The following BTBD19 variants were observed in gnomAD, a reference collection of about 807,000 sequenced individuals.
BTBD19 encodes the protein BTB domain containing 19, also known as BTB/POZ domain-containing protein 19.
In BTBD19, 20 loss-of-function variants were observed where a neutral mutation model predicts 36.1. The observed-to-expected ratio is 0.55, with a 90% CI of 0.39 to 0.80. The LOEUF is 0.80. Ranked by LOEUF, BTBD19 falls within the 30% of genes least tolerant of loss-of-function variation. The pLI is 0.00. For synonymous variants in BTBD19, 157 were observed against 174.3 expected (o/e 0.90, Z 0.78); for missense variants, 325 against 389.8 (o/e 0.83, Z 1.40).
chr1:44,811,914 G>A (rs1652432942), intron 3 of BTBD19, 125 bp from the exon 4 acceptor site: 2 of 683,720 alleles, frequency 2.9e-6, no homozygotes, highest in Non-Finnish European at 4.7e-6. Flanking sequence ...CCCTGGCCTG[G>A]GTCAGGATGG....
chr1:44,811,827 TG>T, intron 3 of BTBD19: 1 of 352,420 alleles, frequency 2.8e-6, no homozygotes. Flanking sequence ...TACTAGAAGG[TG>T]GGTGGCTGGG....
In BTBD19 at chr1:44,813,130, G is replaced by A; in HGVS notation, c.484-8G>A. 6.5e-7 allele frequency: 1 copy of A among 1,540,366 alleles called. No individual in the cohort carries two copies. ...CTGCTCCTCCCTGACCCATTTGCCG[G>A]CTCGCAGGAGGCCCTCCGGACCCGA... is the stretch of plus-strand genomic sequence containing the variant. On this transcript the variant is annotated splice_region_variant and splice_polypyrimidine_tract_variant and intron_variant, in intron 5 of 7. Coordinates refer to ENST00000450269, the Ensembl canonical transcript of BTBD19. The surrounding 1 kb of genome is among the most constrained non-coding windows in gnomAD (Gnocchi z 7.8).
chr1:44,812,973 G>C (rs1025509822), intron 4 of BTBD19, 23 bp from the exon 5 acceptor site: 2 of 1,540,970 alleles, frequency 1.3e-6, no homozygotes, highest in South Asian at 1.2e-5. Context: ...TCTCCAACCT[G>C]ATCTCCCTCA....
chr1:44,812,523 G>A (rs960424978), intron 4 of BTBD19: 4 of 447,044 alleles, frequency 8.9e-6, no homozygotes, highest in African/African-American at 8.0e-5. Flanking sequence ...GGCTAACACG[G>A]TGAAACCCTG....
intron 1 of BTBD19, among the ~76,000 whole-genome samples, chr1:44,809,161 T>C (rs932983177): frequency 6.6e-6 from 1 of 152,124 alleles, no homozygotes; most frequent in African/African-American, 2.4e-5. Flanking sequence ...TCTTTGGACT[T>C]TGGCCCCTGG....
downstream of BTBD19, chr1:44,815,246 A>C (rs768918158): frequency 1.3e-5 from 2 of 152,156 alleles, no homozygotes; most frequent in Admixed American, 6.5e-5. Context: ...TAAGTCCTGG[A>C]ACATCCCATT....
At chr1:44,814,204 T>TTC (rs766196624), downstream of BTBD19, 4 of 144,134 alleles carry the variant, frequency 2.8e-5, no homozygotes, top group African/African-American at 9.1e-5. Flanking sequence ...CTTTCTTTCT[T>TTC]TCTTTCTTTT....
At chr1:44,814,202 CTT>C (rs1309671605), downstream of BTBD19, 18 of 143,234 alleles carry the variant, frequency 1.3e-4, no homozygotes, top group Non-Finnish European at 2.1e-4. Context: ...TTCTTTCTTT[CTT>C]TCTTTCTTTT....
chr1:44,811,656 C>G (rs1389497336), intron 3 of BTBD19: 2 of 258,672 alleles, frequency 7.7e-6, no homozygotes, highest in African/African-American at 4.4e-5. Flanking sequence ...GAGGCTAGTG[C>G]AGCAGTCAAG....
In BTBD19 at chr1:44,810,379, G is replaced by T; in HGVS notation, c.253G>T (p.Val85Leu). ...TGTGCCAACTGAGGCCTTCCTGGCAGTGCTGGAGTTCCTATATACCAACAG... is the reference window on the plus strand; with the variant it reads ...TGTGCCAACTGAGGCCTTCCTGGCATTGCTGGAGTTCCTATATACCAACAG... Residue 85 changes from valine (V) to leucine (L), a missense_variant, in exon 2 of 8, where the codon GTG becomes TTG. Physicochemically the swap from Val to Leu is conservative, Grantham distance 32 (BLOSUM62 1). Coordinates refer to ENST00000450269, the Ensembl canonical transcript of BTBD19. This position sits in a 1 kb window ranked among gnomAD's most constrained non-coding sequence, Gnocchi z 4.2. 5.8e-6 allele frequency: 9 copies of T among 1,551,730 alleles called. No individual in the cohort carries two copies. Among genetic ancestry groups the T allele is most frequent in the Non-Finnish European group, 7.8e-6 (9 of 1,146,992 alleles).
chr1:44,812,999 GC>G lies in BTBD19; in HGVS notation c.420del (p.Val141Ter). The G allele has an allele frequency of 6.4e-7, 1 of 1,550,672 alleles. No homozygotes were observed. On this transcript the variant is annotated frameshift_variant, in exon 5 of 8. Coordinates refer to ENST00000450269, the Ensembl canonical transcript of BTBD19. LOFTEE classifies it high-confidence loss of function. ...ATCTCCCTCATTCTGCTCGCAGGTGGCCGTAACCTTTGGCCTGGGGCAGCTG... is the reference window on the plus strand; with the variant it reads ...ATCTCCCTCATTCTGCTCGCAGGTGGCGTAACCTTTGGCCTGGGGCAGCTG...
At chr1:44,808,950 G>T in intron 1 of BTBD19, 44 bp downstream of exon 1, 1 of 1,465,112 alleles carries the variant, frequency 6.8e-7, no homozygotes, top group Middle Eastern at 1.8e-4. Context: ...AGCTGGCTCT[G>T]TGGGCCCCAG....
In BTBD19 at chr1:44,810,258, C is replaced by G. The variant is rs1466293513; in HGVS notation, c.132C>G (p.Ala44=). Residue 44 remains alanine (A), a synonymous_variant, in exon 2 of 8, where the codon GCC becomes GCG. Transcript: ENST00000450269. This position sits in a 1 kb window ranked among gnomAD's most constrained non-coding sequence, Gnocchi z 4.2. Reference sequence around the variant, plus strand: ...GTCAAGAACGGCAGGAGGTATTTGCCCATCGGTGCTTGTTGGCCTGTAGAT... The same window carrying G: ...GTCAAGAACGGCAGGAGGTATTTGCGCATCGGTGCTTGTTGGCCTGTAGAT... The G allele has an allele frequency of 1.3e-6, 2 of 1,551,864 alleles. No individual in the cohort carries two copies.
In BTBD19 at chr1:44,813,198, C is replaced by T. The variant is rs1015761439; in HGVS notation, c.544C>T (p.Arg182Cys). 6.5e-7 allele frequency: 1 copy of T among 1,534,994 alleles called. No homozygotes were observed. The highest frequency in any genetic ancestry group is 1.2e-5 in the South Asian group (1 of 83,926). ...GGCGGCCGCGCTGCTGCCCCTGCTCCGCAGCGACAAGCTCTGCGTGGACGA... is the reference window on the plus strand; with the variant it reads ...GGCGGCCGCGCTGCTGCCCCTGCTCTGCAGCGACAAGCTCTGCGTGGACGA... The change falls in exon 6 of 8, where the codon CGC becomes TGC. Residue 182 changes from arginine to cysteine, a missense_variant. Coordinates refer to ENST00000450269, the Ensembl canonical transcript of BTBD19. This position sits in a 1 kb window ranked among gnomAD's most constrained non-coding sequence, Gnocchi z 7.8.
downstream of BTBD19, chr1:44,815,516 T>A (rs937229382): frequency 6.6e-6 from 1 of 152,214 alleles, no homozygotes; most frequent in Non-Finnish European, 1.5e-5. Context: ...TCTTACTCGT[T>A]TCTGCTTCCT....
chr1:44,812,621 C>G (rs1023027300), intron 4 of BTBD19: 10 of 395,464 alleles, frequency 2.5e-5, no homozygotes, highest in African/African-American at 1.9e-4. Context: ...CGCTTGAACC[C>G]GGGAGGCAGA....
intron 3 of BTBD19, chr1:44,811,811 C>A: frequency 3.0e-6 from 1 of 328,766 alleles, no homozygotes; most frequent in South Asian, 2.3e-5. Flanking sequence ...TGATTAGTGG[C>A]GAATGTACTA....
At chr1:44,815,316 T>C (rs189324193), downstream of BTBD19, 121 of 152,336 alleles carry the variant, frequency 7.9e-4, no homozygotes, top group African/African-American at 2.8e-3. Context: ...TACTAGTGAG[T>C]GGTTCCTCAC....
At chr1:44,808,569 C>A in exon 1 of BTBD19, 1 of 368,616 alleles carries the variant, frequency 2.7e-6, no homozygotes, top group Non-Finnish European at 4.9e-6. Context: ...CCAGCTTCTT[C>A]CCAGGACCAT....
Sources: allele counts gnomAD v4.1 joint callset (sites outside exome capture counted in the v4.1 genomes callset), GRCh38; gene constraint gnomAD v4.1.1; non-coding constraint Gnocchi (gnomAD v3.1); transcripts MANE v1.5; gene names NCBI Gene and HGNC (gene_info 2026-07-23, HGNC 2026-07-21).